Variants in PARD3B observed in about 807,000 individuals in gnomAD.
The protein encoded by PARD3B is par-3 family cell polarity regulator beta.
A neutral mutation model predicts 130.2 loss-of-function variants in PARD3B; 103 were observed. That is an observed-to-expected ratio of 0.79 (90% CI 0.67 to 0.93). The LOEUF is 0.93. Ranked by LOEUF, PARD3B falls within the 40% of genes least tolerant of loss-of-function variation. The pLI, the probability that PARD3B is intolerant of heterozygous loss-of-function variation, is 0.00. For missense variants in PARD3B, 1,609 were observed against 1,499.2 expected (o/e 1.07, Z -1.21); for synonymous variants, 583 against 553.2 (o/e 1.05, Z -0.76).
At chr2:205,209,840 A>G (rs1044193838) in intron 15 of PARD3B, among the ~76,000 whole-genome samples, 1 of 152,056 alleles carries the variant, frequency 6.6e-6, no homozygotes, top group Non-Finnish European at 1.5e-5. Flanking sequence ...CTAGTATTTG[A>G]TAGTATGACA....
At chr2:204,854,878 G>A (rs962419186) in intron 2 of PARD3B, among the ~76,000 whole-genome samples, 1 of 152,082 alleles carries the variant, frequency 6.6e-6, no homozygotes, top group Non-Finnish European at 1.5e-5. Context: ...AGGAACGAAG[G>A]TTTTTAATAG....
intron 14 of PARD3B, 90 bp downstream of exon 14, chr2:205,185,953 CTA>C: frequency 9.5e-7 from 1 of 1,051,350 alleles, no homozygotes; most frequent in Middle Eastern, 2.0e-4. Flanking sequence ...TATTTTAACT[CTA>C]TTTCTTTCTG....
At chr2:204,667,452 C>T (rs1367954901) in intron 1 of PARD3B, among the ~76,000 whole-genome samples, 1 of 152,106 alleles carries the variant, frequency 6.6e-6, no homozygotes, top group Non-Finnish European at 1.5e-5. Flanking sequence ...TGTCCTAGGT[C>T]TGACCTCTCT....
At chr2:205,129,912 G>T (rs570680552) in intron 10 of PARD3B, among the ~76,000 whole-genome samples, 2 of 152,280 alleles carry the variant, frequency 1.3e-5, no homozygotes, top group East Asian at 3.9e-4. Flanking sequence ...AAAGAACTGT[G>T]CTGAACTCCT....
At chr2:205,316,064 T>A (rs2042553585) in intron 18 of PARD3B, among the ~76,000 whole-genome samples, 1 of 152,164 alleles carries the variant, frequency 6.6e-6, no homozygotes, top group Non-Finnish European at 1.5e-5. Context: ...GCTGAATGAC[T>A]GACTGGTTTA....
intron 19 of PARD3B, among the ~76,000 whole-genome samples, chr2:205,416,719 A>T (rs1423325188): frequency 6.6e-6 from 1 of 152,174 alleles, no homozygotes; most frequent in African/African-American, 2.4e-5. Context: ...CATTAAAAAA[A>T]ATCATGTAAG....
At chr2:205,337,717 G>C (rs1386273069) in intron 18 of PARD3B, among the ~76,000 whole-genome samples, 1 of 152,196 alleles carries the variant, frequency 6.6e-6, no homozygotes, top group Non-Finnish European at 1.5e-5. Context: ...TGGTGCATAA[G>C]TAAATATAAT....
intron 3 of PARD3B, among the ~76,000 whole-genome samples, chr2:204,999,036 T>G (rs899768171): frequency 1.1e-4 from 17 of 151,902 alleles, no homozygotes; most frequent in African/African-American, 4.1e-4. Context: ...TCTAGAGTAA[T>G]CTCAAACTGG....
chr2:205,591,115 AG>A lies in PARD3B; in HGVS notation c.3261-24340del, dbSNP rs1279287993. Among the ~76,000 whole-genome samples, 1 of 152,152 alleles carries A rather than the reference AG, an allele frequency of 6.6e-6. No individual in the cohort carries two copies. Among genetic ancestry groups the A allele is most frequent in the Non-Finnish European group, 1.5e-5 (1 of 68,016 alleles). On this transcript the variant is annotated intron_variant, in intron 22 of 22. Coordinates refer to ENST00000406610, the MANE Select transcript of PARD3B (RefSeq NM_001302769.2). The surrounding 1 kb of genome is among the most constrained non-coding windows in gnomAD (Gnocchi z 4.2). ...GAATAATCCCAAGTCTAAGTCATCC[AG>A]CATTTCTCAGAGAGGTGACATCAAT...
chr2:205,409,787 T>G (rs2046533776), intron 19 of PARD3B, among the ~76,000 whole-genome samples: 1 of 152,196 alleles, frequency 6.6e-6, no homozygotes, highest in South Asian at 2.1e-4. Flanking sequence ...ATGTATTACT[T>G]TATCGTATGT....
chr2:204,646,653 G>A (rs975641104), intron 1 of PARD3B, among the ~76,000 whole-genome samples: 1 of 151,898 alleles, frequency 6.6e-6, no homozygotes, highest in African/African-American at 2.4e-5. Context: ...GGATCATAGG[G>A]TTATATTCAT....
intron 2 of PARD3B, among the ~76,000 whole-genome samples, chr2:204,758,576 T>C (rs2040772451): frequency 6.6e-6 from 1 of 152,174 alleles, no homozygotes; most frequent in South Asian, 2.1e-4. Context: ...GCAGGTGCTT[T>C]AGATTGCAAA....
At chr2:205,609,730 C>A (rs998644631) in intron 22 of PARD3B, among the ~76,000 whole-genome samples, 1 of 152,204 alleles carries the variant, frequency 6.6e-6, no homozygotes, top group Non-Finnish European at 1.5e-5. Context: ...ATACTTTCTG[C>A]TGCATATCTT....
intron 22 of PARD3B, among the ~76,000 whole-genome samples, chr2:205,581,399 A>G (rs201968186): frequency 1.1e-3 from 22 of 20,636 alleles, no homozygotes; most frequent in East Asian, 4.7e-3. Flanking sequence ...ATATATAAAT[A>G]TATATATAAG....
chr2:204,827,856 TA>T (rs777140164), intron 2 of PARD3B, among the ~76,000 whole-genome samples: 11 of 152,218 alleles, frequency 7.2e-5, no homozygotes, highest in Non-Finnish European at 1.3e-4. Context: ...AATAGATGCA[TA>T]AATATCTGAC....
At chr2:204,838,980 G>A (rs187100464) in intron 2 of PARD3B, among the ~76,000 whole-genome samples, 338 of 131,730 alleles carry the variant, frequency 2.6e-3, no homozygotes, top group Non-Finnish European at 4.4e-3. Context: ...TAGATCATAA[G>A]TTGAGGAAAG....
intron 1 of PARD3B, among the ~76,000 whole-genome samples, chr2:204,649,749 T>C (rs1159318257): frequency 6.6e-6 from 1 of 152,118 alleles, no homozygotes; most frequent in East Asian, 1.9e-4. Context: ...CCTTAAACCA[T>C]ATACAAAAAT....
chr2:205,290,698 T>C (rs2041576035), intron 16 of PARD3B, among the ~76,000 whole-genome samples: 1 of 152,182 alleles, frequency 6.6e-6, no homozygotes, highest in African/African-American at 2.4e-5. Context: ...TAGTGACACA[T>C]TGCTATAGAC....
chr2:204,820,534 G>T (rs2043310910), intron 2 of PARD3B, among the ~76,000 whole-genome samples: 1 of 151,956 alleles, frequency 6.6e-6, no homozygotes, highest in Non-Finnish European at 1.5e-5. Context: ...GAGGAAGCTG[G>T]TTGGGCATGG....
Sources: gnomAD v4.1 joint callset for allele counts (sites outside exome capture counted in the v4.1 genomes callset) on GRCh38, gnomAD v4.1.1 for gene constraint, Gnocchi (gnomAD v3.1) non-coding constraint, MANE v1.5 for transcripts, NCBI Gene and HGNC (gene_info 2026-07-23, HGNC 2026-07-21) for gene names.